Variants in PID1 observed in about 807,000 individuals in gnomAD.
PID1 encodes the protein PTB-containing, cubilin and LRP1-interacting protein.
In PID1, 10 loss-of-function variants were observed where a neutral mutation model predicts 19.1. The ratio of observed to expected loss-of-function variants is 0.52; its 90% CI spans 0.32 to 0.89. PID1 has a LOEUF of 0.89. Ranked by LOEUF, PID1 falls within the 40% of genes least tolerant of loss-of-function variation. The probability of loss-of-function intolerance (pLI) is 0.03; values close to 1 mark genes in which losing one functional copy is unlikely to be tolerated. For synonymous variants in PID1, 130 were observed against 116.0 expected (o/e 1.12, Z -0.78); for missense variants, 248 against 285.3 (o/e 0.87, Z 0.94).
chr2:229,101,619 C>G (rs1318795880), intron 2 of PID1, among the ~76,000 whole-genome samples: 2 of 152,164 alleles, frequency 1.3e-5, no homozygotes, highest in Non-Finnish European at 2.9e-5. Context: ...TATTATCACA[C>G]CCATTTTACA....
At position 229,232,020 on chromosome 2, in the gene PID1, TCA is replaced by T. The variant is rs1365931046; in HGVS notation, c.30+38992_30+38993del. ...CTTGGAAGGAAGGAATGCTGTGTCCTCACACAGTGGAAGGCTAAGGGGCAGGC... is the reference window on the plus strand; with the variant it reads ...CTTGGAAGGAAGGAATGCTGTGTCCTCACAGTGGAAGGCTAAGGGGCAGGC... On this transcript the variant is annotated intron_variant, in intron 1 of 2. Coordinates refer to ENST00000392055, the MANE Select transcript of PID1 (RefSeq NM_001100818.2). 14 of 1,549,878 alleles carry T rather than the reference TCA, an allele frequency of 9.0e-6. No individual in the cohort carries two copies. In the East Asian group the frequency reaches 2.7e-4, roughly 30 times the overall value.
At chr2:229,172,768 G>C (rs1465447257) in intron 1 of PID1, among the ~76,000 whole-genome samples, 1 of 152,040 alleles carries the variant, frequency 6.6e-6, no homozygotes, top group Non-Finnish European at 1.5e-5. Flanking sequence ...TTTCACTCTT[G>C]TTGCCCAGAC....
chr2:229,055,771 C>G (rs1036391030), intron 2 of PID1, among the ~76,000 whole-genome samples: 3 of 152,158 alleles, frequency 2.0e-5, no homozygotes, highest in Non-Finnish European at 2.9e-5. Context: ...GCCATAAAGG[C>G]TGGATTTGAA....
intron 1 of PID1, among the ~76,000 whole-genome samples, chr2:229,240,811 T>C (rs1689848151): frequency 6.6e-6 from 1 of 152,154 alleles, no homozygotes; most frequent in Non-Finnish European, 1.5e-5. Context: ...CATGTGCCAG[T>C]CTTTTTCTTG....
chr2:229,263,331 A>C (rs150612229), intron 1 of PID1, among the ~76,000 whole-genome samples: 156 of 152,342 alleles, frequency 1.0e-3, no homozygotes, highest in Admixed American at 1.6e-3. Flanking sequence ...CAGAATCACA[A>C]TATGGCTGCT....
At chr2:229,035,506 ATGTGTGTGTGTGTGTG>A (rs3083806) in intron 2 of PID1, among the ~76,000 whole-genome samples, 3 of 148,154 alleles carry the variant, frequency 2.0e-5, no homozygotes, top group Non-Finnish European at 4.5e-5. Flanking sequence ...AATCATTTAT[ATGTGTGTGTGTGTGTG>A]TGTGTGTGTG....
intron 2 of PID1, among the ~76,000 whole-genome samples, chr2:229,067,085 G>A (rs1010151637): frequency 3.3e-5 from 5 of 152,130 alleles, no homozygotes; most frequent in Non-Finnish European, 7.3e-5. Flanking sequence ...AGAAGGGGAA[G>A]CAAACACGTT....
At chr2:229,145,976 A>G (rs1020059413) in intron 2 of PID1, among the ~76,000 whole-genome samples, 2 of 152,196 alleles carry the variant, frequency 1.3e-5, no homozygotes, top group African/African-American at 2.4e-5. Flanking sequence ...TCGATTTTTT[A>G]GTAGCTTTCT....
chr2:229,185,115 C>CAT (rs1285257663), intron 1 of PID1, among the ~76,000 whole-genome samples: 82 of 69,738 alleles, frequency 1.2e-3, no homozygotes, highest in South Asian at 9.6e-3. Flanking sequence ...ATATATATCC[C>CAT]ATATATATAT....
At position 229,145,155 on chromosome 2, in the gene PID1, GTATATATA is replaced by G. The variant is rs5839309; in HGVS notation, c.177+10655_177+10662del. On this transcript the variant is annotated intron_variant, in intron 2 of 2. Coordinates refer to ENST00000392055, the MANE Select transcript of PID1 (RefSeq NM_001100818.2). ...ATGCTGAGTTTAAATATATGTATGT[GTATATATA>G]TATATATATATATATATATATATAT... Among the ~76,000 whole-genome samples the G allele has an allele frequency of 9.9e-3, 1,193 of 119,942 alleles. 11 individuals are homozygous for G. Among genetic ancestry groups the G allele is most frequent in the African/African-American group, 0.035 (1,104 of 31,714 alleles). 78.7% of individuals were successfully genotyped at this position (119,942 alleles called of 152,430 possible). A position where few individuals can be genotyped will look rare whatever the true frequency, so the allele number is the denominator to read the frequency against.
rs371649976 is a variant in PID1, at chr2:229,184,983, C to CCA, written c.31-29020_31-29019insTG. ...ATCCCATATATATACTATATATATA[C>CCA]TATATATATCCCATATATATACACT... On this transcript the variant is annotated intron_variant, in intron 1 of 2. Transcript: ENST00000392055. Among the ~76,000 whole-genome samples, 824 of 138,932 alleles carry CCA rather than the reference C, an allele frequency of 5.9e-3. 4 individuals are homozygous for CCA. The highest frequency in any genetic ancestry group is 0.011 in the Middle Eastern group (2 of 180). 91.1% of individuals were successfully genotyped at this position (138,932 alleles called of 152,430 possible).
At position 229,069,585 on chromosome 2, in the gene PID1, T is replaced by C. The variant is rs112803948; in HGVS notation, c.178-43477A>G. Among the ~76,000 whole-genome samples, 96 of 152,318 alleles carry C rather than the reference T, an allele frequency of 6.3e-4. 1 individual carries two copies. Among genetic ancestry groups the C allele is most frequent in the African/African-American group, 2.3e-3 (94 of 41,590 alleles). ...ACATTTTAGACTTAGTTGGACAATA[T>C]TGAATAACTTAGCCAACATATATTG... On this transcript the variant is annotated intron_variant, in intron 2 of 2. Transcript: ENST00000392055.
At chr2:229,237,706 T>C (rs954922) in intron 1 of PID1, among the ~76,000 whole-genome samples, 21,768 of 152,048 alleles carry the variant, frequency 0.14, 1,754 homozygotes, top group South Asian at 0.19. Flanking sequence ...AAGTGACATT[T>C]CTTAAATATC....
intron 2 of PID1, among the ~76,000 whole-genome samples, chr2:229,074,202 T>A (rs1694512605): frequency 6.6e-6 from 1 of 152,188 alleles, no homozygotes; most frequent in South Asian, 2.1e-4. Flanking sequence ...TCTGTTCCGT[T>A]AATGATGTTT....
At chr2:229,158,585 T>A (rs919244128) in intron 1 of PID1, among the ~76,000 whole-genome samples, 1 of 151,812 alleles carries the variant, frequency 6.6e-6, no homozygotes, top group African/African-American at 2.4e-5. Flanking sequence ...AACATCATTT[T>A]AAAAAACAAA....
chr2:229,183,504 T>G (rs758682899), intron 1 of PID1, among the ~76,000 whole-genome samples: 4 of 152,186 alleles, frequency 2.6e-5, no homozygotes, highest in Non-Finnish European at 5.9e-5. Context: ...AGCAGATTGC[T>G]TCTCCTAATG....
chr2:229,049,619 A>G (rs1249621583), intron 2 of PID1, among the ~76,000 whole-genome samples: 2 of 130,928 alleles, frequency 1.5e-5, no homozygotes. Flanking sequence ...GATAACCAAG[A>G]GCTTAATATA....
At chr2:229,158,429 C>T (rs1479353508) in intron 1 of PID1, among the ~76,000 whole-genome samples, 2 of 152,140 alleles carry the variant, frequency 1.3e-5, no homozygotes, top group African/African-American at 2.4e-5. Context: ...TATATACTTG[C>T]TTTGTTTACT....
chr2:229,154,077 C>G (rs1006858383), intron 2 of PID1, among the ~76,000 whole-genome samples: 2 of 152,170 alleles, frequency 1.3e-5, no homozygotes, highest in African/African-American at 4.8e-5. Context: ...TTGATTCACT[C>G]TCTCCTGTTA....
Sources: allele counts gnomAD v4.1 joint callset (sites outside exome capture counted in the v4.1 genomes callset), GRCh38; gene constraint gnomAD v4.1.1; transcripts MANE v1.5; gene names NCBI Gene and HGNC (gene_info 2026-07-23, HGNC 2026-07-21).